The following RALGPS2 variants were observed in gnomAD, a reference collection of about 807,000 sequenced individuals.
RALGPS2 encodes the protein ras-specific guanine nucleotide-releasing factor RalGPS2.
In RALGPS2, 43 loss-of-function variants were observed where a neutral mutation model predicts 86.8. The ratio of observed to expected loss-of-function variants is 0.50; its 90% confidence interval spans 0.39 to 0.64. The LOEUF (loss-of-function observed/expected upper bound fraction) is 0.64, where lower values mean the gene tolerates loss of function less well. RALGPS2 is among the 30% of genes least tolerant of loss of function. The probability of loss-of-function intolerance (pLI) is 0.00; values close to 1 mark genes in which losing one functional copy is unlikely to be tolerated. For missense variants in RALGPS2, 536 were observed against 694.6 expected, an observed-to-expected ratio of 0.77 and a Z score of 2.57; for synonymous variants, 243 against 231.3, an observed-to-expected ratio of 1.05 and a Z score of -0.46.
chr1:178,746,849 A>G, intron 1 of RALGPS2: 1 of 1,178,586 alleles, frequency 8.5e-7, no homozygotes, highest in East Asian at 2.3e-5. Context: ...TTTAGAGGAA[A>G]GTCCTGTACG....
chr1:178,844,262 A>G (rs915195186), intron 8 of RALGPS2, among the ~76,000 whole-genome samples: 1 of 152,212 alleles, frequency 6.6e-6, no homozygotes, highest in Admixed American at 6.5e-5. Context: ...GTGCATAGAA[A>G]AAAGGTAACC....
chr1:178,875,801 G>A (rs1438543354), intron 8 of RALGPS2, among the ~76,000 whole-genome samples: 1 of 152,136 alleles, frequency 6.6e-6, no homozygotes, highest in African/African-American at 2.4e-5. Context: ...GAAGGAGCCA[G>A]TAGGGGTGAA....
intron 16 of RALGPS2, 44 bp downstream of exon 16, chr1:178,894,068 T>C: frequency 1.7e-6 from 2 of 1,168,482 alleles, no homozygotes; most frequent in Non-Finnish European, 2.5e-6. Flanking sequence ...TCTAAAAATA[T>C]GCAAATTTAT....
chr1:178,764,539 G>C (rs1652401988), intron 1 of RALGPS2, among the ~76,000 whole-genome samples: 2 of 152,052 alleles, frequency 1.3e-5, no homozygotes, highest in South Asian at 4.1e-4. Context: ...AGACTTGTGT[G>C]GTGCCTTTAT....
At chr1:178,769,358 C>T (rs965255058) in intron 1 of RALGPS2, among the ~76,000 whole-genome samples, 1 of 151,976 alleles carries the variant, frequency 6.6e-6, no homozygotes, top group Admixed American at 6.5e-5. Context: ...TGGAGATCTG[C>T]CTAAGCGTGC....
intron 4 of RALGPS2, among the ~76,000 whole-genome samples, chr1:178,801,555 T>G (rs951946245): frequency 1.3e-5 from 2 of 152,174 alleles, no homozygotes; most frequent in African/African-American, 4.8e-5. Context: ...AATACTTTTC[T>G]GACTCCTCAA....
chr1:178,749,674 G>A (rs1268469817), intron 1 of RALGPS2, among the ~76,000 whole-genome samples: 1 of 152,166 alleles, frequency 6.6e-6, no homozygotes, highest in African/African-American at 2.4e-5. Context: ...CTTAGAAGTA[G>A]CTTGCTGCTA....
At chr1:178,782,417 A>G (rs1386910966) in intron 2 of RALGPS2, among the ~76,000 whole-genome samples, 1 of 152,132 alleles carries the variant, frequency 6.6e-6, no homozygotes, top group Non-Finnish European at 1.5e-5. Context: ...CCATATTGAA[A>G]TATGCCCAGA....
At chr1:178,912,082 A>G (rs1183255361) in intron 19 of RALGPS2, among the ~76,000 whole-genome samples, 1 of 151,962 alleles carries the variant, frequency 6.6e-6, no homozygotes, top group Non-Finnish European at 1.5e-5. Context: ...TTTACTTTGC[A>G]CCTAGTATGT....
intron 7 of RALGPS2, among the ~76,000 whole-genome samples, chr1:178,832,194 G>A (rs1656055844): frequency 6.6e-6 from 1 of 152,128 alleles, no homozygotes; most frequent in South Asian, 2.1e-4. Flanking sequence ...AGAGAAAATT[G>A]TAAAACCGCT....
chr1:178,735,386 G>A (rs938595529), intron 1 of RALGPS2, among the ~76,000 whole-genome samples: 5 of 151,772 alleles, frequency 3.3e-5, no homozygotes, highest in African/African-American at 7.3e-5. Context: ...CAACAAAGAG[G>A]GACCTTCTAG....
intron 4 of RALGPS2, among the ~76,000 whole-genome samples, chr1:178,798,783 G>A (rs1226436834): frequency 6.6e-6 from 1 of 152,096 alleles, no homozygotes; most frequent in East Asian, 1.9e-4. Flanking sequence ...CTATAAGAAA[G>A]TATACCCATA....
intron 16 of RALGPS2, 148 bp downstream of exon 16, chr1:178,894,172 G>A (rs2102393419): frequency 5.8e-6 from 3 of 516,142 alleles, no homozygotes; most frequent in Admixed American, 3.5e-5. Flanking sequence ...CTTATCCTTG[G>A]GTCATCCATT....
intron 17 of RALGPS2, among the ~76,000 whole-genome samples, chr1:178,900,377 C>T (rs181566358): frequency 6.6e-6 from 1 of 151,994 alleles, no homozygotes; most frequent in East Asian, 1.9e-4. Flanking sequence ...AGACACTTTC[C>T]TGCCATTAGA....
intron 8 of RALGPS2, among the ~76,000 whole-genome samples, chr1:178,846,633 G>T (rs1200333830): frequency 2.6e-5 from 4 of 152,158 alleles, no homozygotes; most frequent in Non-Finnish European, 4.4e-5. Context: ...GTGGGGTTGT[G>T]TTAATTTCAT....
At chr1:178,853,520 A>T in intron 8 of RALGPS2, 1 of 1,190,690 alleles carries the variant, frequency 8.4e-7, no homozygotes, top group Non-Finnish European at 1.1e-6. Context: ...TATTTATTGC[A>T]TAGCATCTTG....
intron 8 of RALGPS2, chr1:178,865,156 T>G: frequency 6.2e-7 from 1 of 1,605,094 alleles, no homozygotes; most frequent in South Asian, 1.1e-5. Flanking sequence ...CATGGGTGTC[T>G]TGTCGGGAAA....
chr1:178,739,343 A>G (rs1650895446), intron 1 of RALGPS2, among the ~76,000 whole-genome samples: 4 of 152,250 alleles, frequency 2.6e-5, no homozygotes, highest in Admixed American at 2.6e-4. Flanking sequence ...GGTCAGAGAC[A>G]GTCTTATATG....
chr1:178,785,751 C>T, intron 4 of RALGPS2, 144 bp downstream of exon 4: 6 of 1,022,216 alleles, frequency 5.9e-6, no homozygotes, highest in Non-Finnish European at 8.2e-6. Flanking sequence ...CTGTTTGGGC[C>T]TCAGAAACCC....
Sources: allele counts gnomAD v4.1 joint callset (sites outside exome capture counted in the v4.1 genomes callset), GRCh38; gene constraint gnomAD v4.1.1; transcripts MANE v1.5; gene names NCBI Gene and HGNC (gene_info 2026-07-23, HGNC 2026-07-21).